The following SH3BGRL2 variants were observed in gnomAD, a reference collection of about 807,000 sequenced individuals.
SH3BGRL2 encodes the protein SH3 domain binding glutamate rich protein like 2, also known as SH3 domain-binding glutamic acid-rich-like protein 2.
SH3BGRL2 carries 21 observed loss-of-function variants against 14.8 expected under a neutral mutation model. That is an observed-to-expected ratio of 1.42 (90% CI 1.01 to 2.05). The LOEUF is 2.05. SH3BGRL2 is among the 30% of genes most tolerant of loss of function. The pLI is 0.00. For missense variants in SH3BGRL2, 147 were observed against 130.8 expected (o/e 1.12, Z -0.61); for synonymous variants, 50 against 47.8 (o/e 1.05, Z -0.19).
chr6:79,563,224 G>T, the SH3BGRL2 span, among the ~76,000 whole-genome samples: 1 of 149,570 alleles, frequency 6.7e-6, no homozygotes, highest in Non-Finnish European at 1.5e-5. Flanking sequence ...TGATCCACCC[G>T]CCTCGGCCTC....
At chr6:79,584,285 A>G in the SH3BGRL2 span, among the ~76,000 whole-genome samples, 1 of 152,184 alleles carries the variant, frequency 6.6e-6, no homozygotes, top group Admixed American at 6.5e-5. Context: ...ATATGAATGC[A>G]TATCTGTTGT....
chr6:79,688,194 G>T (rs1388281143), intron 2 of SH3BGRL2, among the ~76,000 whole-genome samples: 1 of 147,434 alleles, frequency 6.8e-6, no homozygotes, highest in East Asian at 2.0e-4. Context: ...GGTGATGAGA[G>T]ATTTAAAAAA....
the SH3BGRL2 span, among the ~76,000 whole-genome samples, chr6:79,558,690 C>G: frequency 1.3e-5 from 2 of 149,838 alleles, no homozygotes; most frequent in African/African-American, 2.5e-5. Flanking sequence ...CATGGCGAAA[C>G]CCCATCTCTA....
At chr6:79,573,729 T>C in the SH3BGRL2 span, 1 of 152,238 alleles carries the variant, frequency 6.6e-6, no homozygotes, top group East Asian at 1.9e-4. Flanking sequence ...TTTTTGTTTT[T>C]AAATGTTACT....
At position 79,648,279 on chromosome 6, in the gene SH3BGRL2, T is replaced by TAA. The variant is rs1554202209; in HGVS notation, c.45+16774_45+16775insAA. On this transcript the variant is annotated intron_variant, in intron 1 of 3. Coordinates refer to ENST00000369838, the MANE Select transcript of SH3BGRL2 (RefSeq NM_031469.4). ...GCATATATATATATATATATATATA[T>TAA]ATATTTGACATATATTATATATAAT... Among the ~76,000 whole-genome samples, 34 of 117,172 alleles carry TAA rather than the reference T, an allele frequency of 2.9e-4. 1 individual carries two copies. The highest frequency in any genetic ancestry group is 4.3e-3 in the Middle Eastern group (1 of 230). 76.9% of individuals were successfully genotyped at this position (117,172 alleles called of 152,430 possible).
the SH3BGRL2 span, among the ~76,000 whole-genome samples, chr6:79,590,424 G>T: frequency 4.5e-5 from 3 of 66,666 alleles, no homozygotes; most frequent in Non-Finnish European, 8.0e-5. Flanking sequence ...AAGAAAATGT[G>T]ATATATATAT....
chr6:79,635,217 C>T (rs1768899539), intron 1 of SH3BGRL2, among the ~76,000 whole-genome samples: 1 of 152,188 alleles, frequency 6.6e-6, no homozygotes, highest in Non-Finnish European at 1.5e-5. Flanking sequence ...ATCTTTTACT[C>T]CTCATTAAAG....
the SH3BGRL2 span, among the ~76,000 whole-genome samples, chr6:79,614,998 C>T: frequency 6.6e-6 from 1 of 152,142 alleles, no homozygotes; most frequent in African/African-American, 2.4e-5. Flanking sequence ...TAGATAAGCA[C>T]TTCTGAGTTC....
In SH3BGRL2 at chr6:79,700,921, A is replaced by C. The variant is rs778793349; in HGVS notation, c.*1412A>C. On this transcript the variant is annotated 3_prime_UTR_variant, in exon 4 of 4. Coordinates refer to ENST00000369838, the MANE Select transcript of SH3BGRL2 (RefSeq NM_031469.4). Reference sequence around the variant, plus strand: ...CTAGCATCCTGATTCTGGACTTTTCATTATAATTCTGAGCAGGAAATTTAT... The same window carrying C: ...CTAGCATCCTGATTCTGGACTTTTCCTTATAATTCTGAGCAGGAAATTTAT... 1 of 152,190 alleles carries C rather than the reference A, an allele frequency of 6.6e-6. No individual in the cohort carries two copies. Among genetic ancestry groups the C allele is most frequent in the African/African-American group, 2.4e-5 (1 of 41,442 alleles). The allele number at this position is 152,190 out of a possible 1,614,324, so 9.4% of individuals were successfully genotyped here.
At chr6:79,549,415 A>G in the SH3BGRL2 span, among the ~76,000 whole-genome samples, 1 of 152,342 alleles carries the variant, frequency 6.6e-6, no homozygotes, top group East Asian at 1.9e-4. Context: ...AATGGACCAC[A>G]TACTCACCAG....
At chr6:79,631,963 T>C (rs1393508312) in intron 1 of SH3BGRL2, among the ~76,000 whole-genome samples, 1 of 152,184 alleles carries the variant, frequency 6.6e-6, no homozygotes, top group Non-Finnish European at 1.5e-5. Context: ...TGGGAATTGC[T>C]CTCTGTCCTC....
At chr6:79,544,244 G>A in the SH3BGRL2 span, among the ~76,000 whole-genome samples, 1 of 152,104 alleles carries the variant, frequency 6.6e-6, no homozygotes, top group Non-Finnish European at 1.5e-5. Flanking sequence ...GGTTGGACAG[G>A]CTTACATCTA....
intron 1 of SH3BGRL2, among the ~76,000 whole-genome samples, chr6:79,669,628 A>G (rs1769732422): frequency 6.6e-6 from 1 of 151,930 alleles, no homozygotes; most frequent in Non-Finnish European, 1.5e-5. Flanking sequence ...TATTTTTAGT[A>G]GAGATAGGGT....
At chr6:79,546,699 CT>C in the SH3BGRL2 span, among the ~76,000 whole-genome samples, 155 of 143,722 alleles carry the variant, frequency 1.1e-3, no homozygotes, top group Middle Eastern at 3.6e-3. Flanking sequence ...AGTAGCAACT[CT>C]TTTTTTTTTT....
At chr6:79,622,319 C>T in the SH3BGRL2 span, among the ~76,000 whole-genome samples, 1 of 152,196 alleles carries the variant, frequency 6.6e-6, no homozygotes, top group Non-Finnish European at 1.5e-5. Flanking sequence ...ACAATTGTTA[C>T]TCTTAACTGA....
chr6:79,668,279 C>T (rs1371771727), intron 1 of SH3BGRL2, among the ~76,000 whole-genome samples: 3 of 152,246 alleles, frequency 2.0e-5, no homozygotes, highest in Middle Eastern at 3.4e-3. Flanking sequence ...GGCTGAGTCA[C>T]GTGCAAGGTA....
chr6:79,642,549 C>G (rs1769053367), intron 1 of SH3BGRL2, among the ~76,000 whole-genome samples: 1 of 152,048 alleles, frequency 6.6e-6, no homozygotes, highest in Non-Finnish European at 1.5e-5. Flanking sequence ...TGATTGGGAT[C>G]AGCAGGAAAA....
chr6:79,597,948 C>T, the SH3BGRL2 span, among the ~76,000 whole-genome samples: 1 of 152,254 alleles, frequency 6.6e-6, no homozygotes, highest in South Asian at 2.1e-4. Flanking sequence ...GGCAAAGGAT[C>T]TGAATGGGCA....
the SH3BGRL2 span, among the ~76,000 whole-genome samples, chr6:79,579,751 A>G: frequency 6.6e-6 from 1 of 152,206 alleles, no homozygotes; most frequent in Non-Finnish European, 1.5e-5. Context: ...TTAATTGGCA[A>G]AATAACCAGC....
Sources: gnomAD v4.1 joint callset for allele counts (sites outside exome capture counted in the v4.1 genomes callset) on GRCh38, gnomAD v4.1.1 for gene constraint, MANE v1.5 for transcripts, NCBI Gene and HGNC (gene_info 2026-07-23, HGNC 2026-07-21) for gene names.